The following TAOK3 variants were observed in gnomAD, a reference collection of about 807,000 sequenced individuals.
TAOK3 encodes TAO kinase 3, also known as serine/threonine-protein kinase TAO3.
Under a neutral mutation model 120.4 loss-of-function variants are expected in TAOK3, and 40 were observed. That is an observed-to-expected ratio of 0.33 (90% CI 0.26 to 0.43). TAOK3 has a LOEUF of 0.43. TAOK3 is among the 20% of genes least tolerant of loss of function. TAOK3 has a pLI of 1.00. For synonymous variants in TAOK3, 355 were observed against 387.5 expected, an observed-to-expected ratio of 0.92 and a Z score of 0.99; for missense variants, 821 against 1,112.1, an observed-to-expected ratio of 0.74 and a Z score of 3.72.
intron 17 of TAOK3, among the ~76,000 whole-genome samples, chr12:118,169,982 A>T (rs1336769917): frequency 1.3e-5 from 2 of 151,950 alleles, no homozygotes; most frequent in Non-Finnish European, 2.9e-5. Context: ...CGGCTTCCCA[A>T]AGTGCTGGGA....
At chr12:118,245,553 C>T (rs1041369249) in intron 3 of TAOK3, among the ~76,000 whole-genome samples, 1 of 150,176 alleles carries the variant, frequency 6.7e-6, no homozygotes, top group African/African-American at 2.5e-5. Context: ...CCTGACCTCA[C>T]GTGATCTGCC....
At chr12:118,367,566 A>G (rs1161257627) in intron 1 of TAOK3, among the ~76,000 whole-genome samples, 2 of 152,198 alleles carry the variant, frequency 1.3e-5, no homozygotes, top group East Asian at 1.9e-4. Context: ...AAACAGTAAA[A>G]AAACTTTTAA....
chr12:118,369,715 C>A (rs1412408766), intron 1 of TAOK3, among the ~76,000 whole-genome samples: 2 of 151,988 alleles, frequency 1.3e-5, no homozygotes, highest in East Asian at 3.9e-4. Context: ...CTTATTTTTA[C>A]TTGAATTCGA....
intron 1 of TAOK3, among the ~76,000 whole-genome samples, chr12:118,293,251 G>A (rs2042548560): frequency 6.6e-6 from 1 of 152,208 alleles, no homozygotes. Context: ...AACTGACTTG[G>A]GATGCCTCTA....
At chr12:118,176,696 AT>A (rs942947141) in intron 16 of TAOK3, among the ~76,000 whole-genome samples, 11 of 152,166 alleles carry the variant, frequency 7.2e-5, no homozygotes, top group African/African-American at 2.2e-4. Context: ...AGATAAAAAA[AT>A]AAATAAATAA....
intron 1 of TAOK3, among the ~76,000 whole-genome samples, chr12:118,269,380 C>T (rs1197824436): frequency 4.3e-5 from 6 of 140,042 alleles, no homozygotes; most frequent in African/African-American, 1.3e-4. Flanking sequence ...CTATCTCTCT[C>T]TTCTTTTTTT....
intron 13 of TAOK3, among the ~76,000 whole-genome samples, chr12:118,192,394 A>T (rs898534380): frequency 6.6e-6 from 1 of 152,136 alleles, no homozygotes; most frequent in Non-Finnish European, 1.5e-5. Flanking sequence ...GCTTCCCCCT[A>T]CATTTTTTTC....
At chr12:118,226,531 TAAAA>T (rs140746961) in intron 9 of TAOK3, among the ~76,000 whole-genome samples, 33 of 124,780 alleles carry the variant, frequency 2.6e-4, no homozygotes, top group African/African-American at 9.2e-4. Context: ...AGACTCCGTC[TAAAA>T]AAAAAAAAAA....
intron 3 of TAOK3, among the ~76,000 whole-genome samples, chr12:118,247,799 G>A (rs2040582150): frequency 6.6e-6 from 1 of 152,140 alleles, no homozygotes; most frequent in Non-Finnish European, 1.5e-5. Context: ...ATAGGCGTGA[G>A]CTACTGCTCC....
intron 1 of TAOK3, among the ~76,000 whole-genome samples, chr12:118,345,590 A>AG (rs2044821529): frequency 6.6e-6 from 1 of 152,180 alleles, no homozygotes; most frequent in Admixed American, 6.5e-5. Flanking sequence ...GTCAGACACT[A>AG]GCTTATGTTC....
At chr12:118,172,710 T>C (rs1347491595) in intron 16 of TAOK3, 50 bp from the exon 17 acceptor site, 1 of 1,470,652 alleles carries the variant, frequency 6.8e-7, no homozygotes, top group Non-Finnish European at 9.5e-7. Context: ...TGAAAGGGAC[T>C]GTAACAGCTT....
intron 11 of TAOK3, among the ~76,000 whole-genome samples, chr12:118,205,260 G>A (rs1478240474): frequency 4.0e-5 from 6 of 151,758 alleles, no homozygotes; most frequent in African/African-American, 9.7e-5. Context: ...CCAGGTACTC[G>A]GGAGGCTGAG....
intron 1 of TAOK3, among the ~76,000 whole-genome samples, chr12:118,311,829 G>A (rs2043274661): frequency 6.6e-6 from 1 of 152,128 alleles, no homozygotes; most frequent in South Asian, 2.1e-4. Flanking sequence ...TATAAAACAG[G>A]AGCTCACAGC....
At chr12:118,205,582 G>C (rs1039410746) in intron 11 of TAOK3, among the ~76,000 whole-genome samples, 12 of 151,940 alleles carry the variant, frequency 7.9e-5, no homozygotes, top group African/African-American at 2.9e-4. Context: ...ATCATTCATT[G>C]CAACAGATAC....
chr12:118,286,927 T>G (rs529223698), intron 1 of TAOK3, among the ~76,000 whole-genome samples: 47 of 152,352 alleles, frequency 3.1e-4, no homozygotes, highest in Non-Finnish European at 1.0e-4. Flanking sequence ...GTGACCTGGA[T>G]GAGACTGGAG....
At chr12:118,290,668 C>T (rs773892334) in intron 1 of TAOK3, among the ~76,000 whole-genome samples, 23 of 152,298 alleles carry the variant, frequency 1.5e-4, no homozygotes, top group African/African-American at 2.4e-4. Context: ...TGGGTTCAAG[C>T]GATTTTCCTG....
At chr12:118,196,916 G>C (rs961191581) in intron 13 of TAOK3, among the ~76,000 whole-genome samples, 2 of 152,118 alleles carry the variant, frequency 1.3e-5, no homozygotes, top group African/African-American at 4.8e-5. Flanking sequence ...GAGGCAGATA[G>C]AACTATAAAT....
chr12:118,319,862 T>C (rs933933305), intron 1 of TAOK3, among the ~76,000 whole-genome samples: 4 of 152,032 alleles, frequency 2.6e-5, no homozygotes, highest in African/African-American at 9.7e-5. Context: ...CCCCAAAGAA[T>C]TGAAAAGAGG....
chr12:118,244,702 G>C (rs1051493356), intron 4 of TAOK3, among the ~76,000 whole-genome samples, 192 bp downstream of exon 4: 2 of 151,608 alleles, frequency 1.3e-5, no homozygotes, highest in Non-Finnish European at 2.9e-5. Flanking sequence ...CTAATTTTTT[G>C]TATTTTTAGT....
Sources: gnomAD v4.1 joint callset for allele counts (sites outside exome capture counted in the v4.1 genomes callset) on GRCh38, gnomAD v4.1.1 for gene constraint, MANE v1.5 for transcripts, NCBI Gene and HGNC (gene_info 2026-07-23, HGNC 2026-07-21) for gene names.